Variants in SORBS2 observed in about 807,000 individuals in gnomAD.
The protein encoded by SORBS2 is sorbin and SH3 domain containing 2.
A neutral mutation model predicts 97.7 loss-of-function variants in SORBS2; 46 were observed. The observed-to-expected ratio is 0.47, with a 90% CI of 0.37 to 0.60. The LOEUF (loss-of-function observed/expected upper bound fraction) is 0.60, where lower values mean the gene tolerates loss of function less well. Ranked by LOEUF, SORBS2 falls within the 20% of genes least tolerant of loss-of-function variation. SORBS2 has a pLI of 0.00. For synonymous variants in SORBS2, 476 were observed against 473.4 expected, an observed-to-expected ratio of 1.01 and a Z score of -0.07; for missense variants, 1,316 against 1,282.3, an observed-to-expected ratio of 1.03 and a Z score of -0.40.
intron 2 of SORBS2, among the ~76,000 whole-genome samples, chr4:185,749,079 C>T (rs186250638): frequency 1.3e-5 from 2 of 152,308 alleles, no homozygotes; most frequent in Admixed American, 1.3e-4. Context: ...ATAGCAAGAA[C>T]CTTTTAGGGA....
At chr4:185,873,446 A>G (rs1458960951) in intron 1 of SORBS2, among the ~76,000 whole-genome samples, 1 of 152,250 alleles carries the variant, frequency 6.6e-6, no homozygotes, top group African/African-American at 2.4e-5. Context: ...TCTTAATATT[A>G]TAGCACAAGC....
At chr4:185,611,400 G>A (rs1029865486) in intron 12 of SORBS2, among the ~76,000 whole-genome samples, 1 of 151,162 alleles carries the variant, frequency 6.6e-6, no homozygotes, top group African/African-American at 2.4e-5. Flanking sequence ...TATATGTAAA[G>A]ATTATATTAT....
At position 185,684,766 on chromosome 4, in the gene SORBS2, G is replaced by C. The variant is rs1040002531; in HGVS notation, c.-197-5944C>G. Reference sequence around the variant, plus strand: ...AGTGATATTATACCTGCAGCCAATAGGTTTGGAGAACTTTGCACTCTCTTC... The same window carrying C: ...AGTGATATTATACCTGCAGCCAATACGTTTGGAGAACTTTGCACTCTCTTC... On this transcript the variant is annotated intron_variant, in intron 2 of 20. Transcript: ENST00000284776. This position sits in a 1 kb window ranked among gnomAD's most constrained non-coding sequence, Gnocchi z 4.2. 9.0e-6 allele frequency: 14 copies of C among 1,551,144 alleles called. No individual in the cohort carries two copies. The Admixed American group carries it at 1.2e-4, about 13-fold the overall frequency.
At chr4:185,688,170 T>C (rs961364867) in intron 2 of SORBS2, among the ~76,000 whole-genome samples, 24 of 152,370 alleles carry the variant, frequency 1.6e-4, no homozygotes, top group East Asian at 5.8e-4. Flanking sequence ...ATGTTTTGTA[T>C]ATATTTTCTA....
intron 1 of SORBS2, among the ~76,000 whole-genome samples, chr4:185,905,084 A>G (rs912229681): frequency 2.0e-5 from 3 of 151,584 alleles, no homozygotes; most frequent in Admixed American, 1.3e-4. Flanking sequence ...AGCCTGGGCA[A>G]CAAGAGTGAA....
chr4:185,671,812 T>C (rs575148700), intron 4 of SORBS2, among the ~76,000 whole-genome samples: 1 of 152,342 alleles, frequency 6.6e-6, no homozygotes, highest in South Asian at 2.1e-4. Flanking sequence ...ATCTCAGAAA[T>C]GGCCAAGCAC....
At chr4:185,807,259 TTTTC>T (rs1295109847) in intron 1 of SORBS2, among the ~76,000 whole-genome samples, 20 of 152,262 alleles carry the variant, frequency 1.3e-4, no homozygotes, top group African/African-American at 3.6e-4. Context: ...GGCCTTTTTG[TTTTC>T]TTTCTTTTTT....
In SORBS2 at chr4:185,607,297, G is replaced by A. The variant is rs775963981; in HGVS notation, c.2796+4483C>T. On this transcript the variant is annotated intron_variant, in intron 12 of 14. Coordinates refer to ENST00000418609, the Ensembl canonical transcript of SORBS2. The surrounding 1 kb of genome is among the most constrained non-coding windows in gnomAD (Gnocchi z 5.2). The stretch of plus-strand genomic sequence containing the variant: ...AGTTCCCTGGAGAGCTCCTTTATCT[G>A]AGCCAGGTGAGACTTTGTGGGTGGG... 29 of 1,285,124 alleles carry A rather than the reference G, an allele frequency of 2.3e-5. No individual in the cohort carries two copies. In the Middle Eastern group the frequency reaches 1.5e-3, roughly 66 times the overall value. The allele number at this position is 1,285,124 out of a possible 1,614,324, so 79.6% of individuals were successfully genotyped here.
chr4:185,664,212 T>G (rs1355181046), intron 4 of SORBS2, among the ~76,000 whole-genome samples: 1 of 152,216 alleles, frequency 6.6e-6, no homozygotes. Context: ...AATACTATCA[T>G]TAGCATTTTA....
intron 2 of SORBS2, among the ~76,000 whole-genome samples, chr4:185,762,909 T>A (rs2098908540): frequency 6.6e-6 from 1 of 152,054 alleles, no homozygotes. Context: ...CCAGGTGAGG[T>A]CGGGCGTGGT....
At chr4:185,805,621 C>T (rs1306661601) in intron 1 of SORBS2, among the ~76,000 whole-genome samples, 6 of 152,094 alleles carry the variant, frequency 3.9e-5, no homozygotes, top group African/African-American at 1.2e-4. Context: ...TTAAGCCTGG[C>T]GCTCTAGGTC....
chr4:185,676,663 A>G (rs1039995741), intron 4 of SORBS2, among the ~76,000 whole-genome samples: 3 of 152,182 alleles, frequency 2.0e-5, no homozygotes, highest in Non-Finnish European at 2.9e-5. Flanking sequence ...TTTCTTTGAA[A>G]CCTAAACATG....
chr4:185,884,130 A>G (rs1260409419), intron 1 of SORBS2, among the ~76,000 whole-genome samples: 3 of 152,172 alleles, frequency 2.0e-5, no homozygotes, highest in Non-Finnish European at 4.4e-5. Context: ...ACATGACTGT[A>G]TTTGTCAAAA....
intron 1 of SORBS2, among the ~76,000 whole-genome samples, chr4:185,813,637 C>G (rs1585234189): frequency 1.3e-5 from 2 of 152,360 alleles, no homozygotes; most frequent in East Asian, 3.9e-4. Context: ...TTTCCTTGCC[C>G]TGCAGATGCT....
At chr4:185,815,343 T>G (rs2099192651) in intron 1 of SORBS2, among the ~76,000 whole-genome samples, 1 of 152,046 alleles carries the variant, frequency 6.6e-6, no homozygotes, top group Non-Finnish European at 1.5e-5. Context: ...AAAGGTATTT[T>G]TTATATATAT....
intron 12 of SORBS2, among the ~76,000 whole-genome samples, chr4:185,609,309 T>C (rs1055305566): frequency 2.6e-5 from 4 of 152,216 alleles, no homozygotes; most frequent in African/African-American, 9.7e-5. Flanking sequence ...CTGTGAAATA[T>C]ATAATAATTT....
chr4:185,744,299 G>A (rs1489152734), intron 2 of SORBS2, among the ~76,000 whole-genome samples: 3 of 152,138 alleles, frequency 2.0e-5, no homozygotes, highest in Admixed American at 2.0e-4. Context: ...GCATTCATGT[G>A]GAACTTGAAC....
In SORBS2 at chr4:185,922,544, G is replaced by T. The variant is rs2099261395; in HGVS notation, c.-338+33652C>A. ...TCTCATTTCTTCTGGAACGCATCAG[G>T]TTTGCATAACCTATGTTTTTTATTG... On this transcript the variant is annotated intron_variant, in intron 1 of 20. Coordinates refer to the SORBS2 transcript ENST00000284776. Among the ~76,000 whole-genome samples the T allele has an allele frequency of 2.0e-5, 3 of 152,130 alleles. No individual in the cohort carries two copies. The South Asian group carries it at 6.2e-4, about 32-fold the overall frequency.
chr4:185,609,730 C>T (rs1169474174), intron 12 of SORBS2, among the ~76,000 whole-genome samples: 1 of 152,214 alleles, frequency 6.6e-6, no homozygotes, highest in Non-Finnish European at 1.5e-5. Flanking sequence ...TTAAATGTGT[C>T]ACCAGAGTGA....
Sources: gnomAD v4.1 joint callset for allele counts (sites outside exome capture counted in the v4.1 genomes callset) on GRCh38, gnomAD v4.1.1 for gene constraint, Gnocchi (gnomAD v3.1) non-coding constraint, MANE v1.5 for transcripts, NCBI Gene and HGNC (gene_info 2026-07-23, HGNC 2026-07-21) for gene names.